The following RASGRP1 variants were observed in gnomAD, a reference collection of about 807,000 sequenced individuals.
RASGRP1 encodes the protein RAS guanyl releasing protein 1, also known as RAS guanyl-releasing protein 1.
RASGRP1 carries 37 observed loss-of-function variants against 95.1 expected under a neutral mutation model. The ratio of observed to expected loss-of-function variants is 0.39; its 90% CI spans 0.30 to 0.51. The LOEUF (loss-of-function observed/expected upper bound fraction) is 0.51, where lower values mean the gene tolerates loss of function less well. RASGRP1 is among the 20% of genes least tolerant of loss of function. The pLI is 0.80. For missense variants in RASGRP1, 711 were observed against 965.4 expected, an observed-to-expected ratio of 0.74 and a Z score of 3.49; for synonymous variants, 325 against 353.4, an observed-to-expected ratio of 0.92 and a Z score of 0.90.
chr15:38,503,874 G>C lies in RASGRP1; in HGVS notation c.1324-498C>G, dbSNP rs1019265084. 8 of 187,910 alleles carry C rather than the reference G, an allele frequency of 4.3e-5. No homozygotes were observed. The South Asian group carries it at 9.6e-4, about 23-fold the overall frequency. The allele number at this position is 187,910 out of a possible 1,614,324, so 11.6% of individuals were successfully genotyped here. A position where few individuals can be genotyped will look rare whatever the true frequency, so the allele number is the denominator to read the frequency against. On this transcript the variant is annotated intron_variant, in intron 10 of 16. Coordinates refer to ENST00000310803, the MANE Select transcript of RASGRP1 (RefSeq NM_005739.4). ...GGATATGTTCTGAGAAATGTGTCAT[G>C]AGGTGATTTTGTCATTGTATGAGCA...
In RASGRP1 at chr15:38,494,853, CTTA is replaced by C. The variant is rs1890736534; in HGVS notation, c.1874-89_1874-87del. ...AGACATTAGTTTCAATGAGACCTTT[CTTA>C]TTGTTACTGGAGTTCCATATGTTCA... On this transcript the variant is annotated intron_variant, in intron 15 of 16. Transcript: ENST00000310803. The C allele has an allele frequency of 7.8e-6, 9 of 1,154,860 alleles. No individual in the cohort carries two copies. The South Asian group carries it at 1.8e-4, about 23-fold the overall frequency. 71.5% of individuals were successfully genotyped at this position (1,154,860 alleles called of 1,614,324 possible). A position where few individuals can be genotyped will look rare whatever the true frequency, so the allele number is the denominator to read the frequency against.
intron 9 of RASGRP1, among the ~76,000 whole-genome samples, 173 bp from the exon 10 acceptor site, chr15:38,506,093 A>G (rs890067124): frequency 4.7e-5 from 7 of 150,064 alleles, no homozygotes; most frequent in African/African-American, 1.7e-4. Context: ...TAGGGCAAGC[A>G]TTAATTCTCA....
intron 2 of RASGRP1, among the ~76,000 whole-genome samples, chr15:38,541,312 G>C (rs1892848649): frequency 6.6e-6 from 1 of 152,150 alleles, no homozygotes; most frequent in South Asian, 2.1e-4. Context: ...TAAATATTTT[G>C]AAGGCCAGGT....
At chr15:38,540,917 C>T (rs1184182410) in intron 2 of RASGRP1, among the ~76,000 whole-genome samples, 1 of 152,200 alleles carries the variant, frequency 6.6e-6, no homozygotes, top group Non-Finnish European at 1.5e-5. Context: ...AGCTGATATT[C>T]TGAGTTTCCT....
chr15:38,492,341 C>T (rs935123061), intron 16 of RASGRP1, among the ~76,000 whole-genome samples: 6 of 152,268 alleles, frequency 3.9e-5, no homozygotes, highest in South Asian at 4.1e-4. Context: ...GTTCCACATA[C>T]GTTATCTAAC....
chr15:38,530,761 G>T (rs561182841), intron 2 of RASGRP1, among the ~76,000 whole-genome samples: 1 of 152,324 alleles, frequency 6.6e-6, no homozygotes, highest in Admixed American at 6.5e-5. Context: ...CGTGTCCTGG[G>T]TGAGATCAAA....
In RASGRP1 at chr15:38,499,833, A is replaced by G. The variant is rs114881937; in HGVS notation, c.1720+270T>C. Among the ~76,000 whole-genome samples the G allele has an allele frequency of 2.4e-3, 367 of 152,178 alleles. 1 individual carries two copies. Among genetic ancestry groups the G allele is most frequent in the African/African-American group, 8.5e-3 (352 of 41,542 alleles). ...GTTACCCTCATGTTGTTCTCATGAT[A>G]GTGAGTGACTGCTCATGAGATCTGT... On this transcript the variant is annotated intron_variant, in intron 14 of 16. Coordinates refer to ENST00000310803, the MANE Select transcript of RASGRP1 (RefSeq NM_005739.4).
intron 2 of RASGRP1, among the ~76,000 whole-genome samples, chr15:38,558,507 G>A (rs923349942): frequency 2.0e-5 from 3 of 152,260 alleles, no homozygotes; most frequent in East Asian, 1.9e-4. Flanking sequence ...GCAATGATTC[G>A]CGAAGTGCGC....
At chr15:38,553,973 T>G (rs895847702) in intron 2 of RASGRP1, among the ~76,000 whole-genome samples, 9 of 152,200 alleles carry the variant, frequency 5.9e-5, no homozygotes, top group African/African-American at 2.2e-4. Context: ...TCTGGGATGT[T>G]CAGGAAGCAA....
chr15:38,555,322 G>C (rs1165574187), intron 2 of RASGRP1, among the ~76,000 whole-genome samples: 1 of 152,218 alleles, frequency 6.6e-6, no homozygotes, highest in Non-Finnish European at 1.5e-5. Context: ...TTCACACTTT[G>C]CTCAATAGAG....
At chr15:38,511,776 G>A in intron 7 of RASGRP1, 56 bp from the exon 8 acceptor site, 2 of 1,347,774 alleles carry the variant, frequency 1.5e-6, no homozygotes, top group Non-Finnish European at 2.1e-6. Context: ...GTTATATGGG[G>A]AGCTTAGAGG....
intron 8 of RASGRP1, 92 bp from the exon 9 acceptor site, chr15:38,508,093 A>G (rs1891337715): frequency 2.2e-6 from 3 of 1,379,780 alleles, no homozygotes; most frequent in Non-Finnish European, 2.9e-6. Flanking sequence ...CTGTGCCATG[A>G]TCTCACCCCA....
Position 38,546,674 on chromosome 15 carries a change from T to A in RASGRP1, c.220+13147A>T, listed in dbSNP as rs190461711. On this transcript the variant is annotated intron_variant, in intron 2 of 16. Coordinates refer to ENST00000310803, the MANE Select transcript of RASGRP1 (RefSeq NM_005739.4). ...AGTTACTATGTGTCAGCATTAGGAC[T>A]GGACCTCAGGATAGAATGGAGGCAT... is the stretch of plus-strand genomic sequence containing the variant. Among the ~76,000 whole-genome samples, 325 of 152,344 alleles carry A rather than the reference T, an allele frequency of 2.1e-3. 2 individuals carry two copies. The highest frequency in any genetic ancestry group is 7.5e-3 in the African/African-American group (310 of 41,574).
chr15:38,550,109 T>C (rs1172110516), intron 2 of RASGRP1, among the ~76,000 whole-genome samples: 1 of 150,794 alleles, frequency 6.6e-6, no homozygotes, highest in Middle Eastern at 3.2e-3. Flanking sequence ...AATAGAAAAA[T>C]TAGCTGGCTC....
intron 15 of RASGRP1, among the ~76,000 whole-genome samples, chr15:38,495,717 A>G (rs1393399377): frequency 6.6e-6 from 1 of 152,202 alleles, no homozygotes; most frequent in African/African-American, 2.4e-5. Flanking sequence ...CAAAATTGTA[A>G]TTACATAGTT....
intron 3 of RASGRP1, among the ~76,000 whole-genome samples, chr15:38,521,833 G>A (rs756003439): frequency 7.9e-5 from 12 of 152,096 alleles, no homozygotes; most frequent in Non-Finnish European, 1.5e-4. Flanking sequence ...GAGACCATCT[G>A]AGCTTATTTA....
At position 38,511,796 on chromosome 15, in the gene RASGRP1, G is replaced by C. The variant is rs901600989; in HGVS notation, c.850-76C>G. On this transcript the variant is annotated intron_variant, in intron 7 of 16. Coordinates refer to ENST00000310803, the MANE Select transcript of RASGRP1 (RefSeq NM_005739.4). ...ATGGGGAGCTTAGAGGCTGCCTCTT[G>C]TCTCTGTGCCGTGAGTCTCCCTTAC... The C allele has an allele frequency of 4.5e-5, 50 of 1,109,088 alleles. 1 individual carries two copies. The South Asian group carries it at 5.3e-4, about 12-fold the overall frequency. The allele number at this position is 1,109,088 out of a possible 1,614,324, so 68.7% of individuals were successfully genotyped here.
intron 16 of RASGRP1, among the ~76,000 whole-genome samples, chr15:38,492,943 C>T (rs1243744394): frequency 6.6e-6 from 1 of 150,450 alleles, no homozygotes; most frequent in African/African-American, 2.4e-5. Flanking sequence ...TGCAGTGGTG[C>T]CATTTCGGCT....
At chr15:38,541,791 T>C (rs1892873857) in intron 2 of RASGRP1, among the ~76,000 whole-genome samples, 1 of 152,128 alleles carries the variant, frequency 6.6e-6, no homozygotes. Flanking sequence ...ATAAGCACCC[T>C]GTCCCAAGCC....
Sources: gnomAD v4.1 joint callset for allele counts (sites outside exome capture counted in the v4.1 genomes callset) on GRCh38, gnomAD v4.1.1 for gene constraint, MANE v1.5 for transcripts, NCBI Gene and HGNC (gene_info 2026-07-23, HGNC 2026-07-21) for gene names.